Variants in UBE2Q2 observed in about 807,000 individuals in gnomAD.
UBE2Q2 encodes ubiquitin conjugating enzyme E2 Q2.
In UBE2Q2, 54 loss-of-function variants were observed where a neutral mutation model predicts 59.9. The observed-to-expected ratio is 0.90, with a 90% confidence interval of 0.72 to 1.13. The LOEUF (loss-of-function observed/expected upper bound fraction) is 1.13. UBE2Q2 is among the 50% of genes most tolerant of loss of function. UBE2Q2 has a pLI of 0.00. For missense variants in UBE2Q2, 433 were observed against 441.9 expected (o/e 0.98, Z 0.18); for synonymous variants, 165 against 155.2 (o/e 1.06, Z -0.47).
intron 9 of UBE2Q2, among the ~76,000 whole-genome samples, chr15:75,885,239 G>C (rs1463254922): frequency 9.2e-5 from 14 of 151,928 alleles, no homozygotes; most frequent in Non-Finnish European, 2.1e-4. Context: ...TCCTGCCTTA[G>C]CCTCCCGAGT....
intron 11 of UBE2Q2, among the ~76,000 whole-genome samples, chr15:75,892,835 A>G (rs919379155): frequency 2.0e-5 from 3 of 152,154 alleles, no homozygotes; most frequent in Non-Finnish European, 4.4e-5. Flanking sequence ...ATGTTTGCGC[A>G]CTCCAGCCTT....
rs1010694053 is a variant in UBE2Q2 at position 75,844,367 on chromosome 15, C to G, written c.180+521C>G. 3.9e-6 allele frequency: 6 copies of G among 1,551,002 alleles called. No homozygotes were observed. In the Admixed American group the frequency reaches 9.8e-5, roughly 25 times the overall value. On this transcript the variant is annotated intron_variant, in intron 1 of 12. Transcript: ENST00000267938. ...GAGAAACTGACAATGAGAATGGACT[C>G]GTTGACGGAGGAAAAGTTGGAATGC...
At chr15:75,889,115 T>C (rs1898953103) in intron 9 of UBE2Q2, among the ~76,000 whole-genome samples, 1 of 152,214 alleles carries the variant, frequency 6.6e-6, no homozygotes, top group South Asian at 2.1e-4. Flanking sequence ...TACAATACTC[T>C]TTTAGCCCAG....
At position 75,899,619 on chromosome 15, in the gene UBE2Q2, A is replaced by G. The variant is rs1899647097; in HGVS notation, c.*161A>G. Reference sequence around the variant, plus strand: ...TCATCTGACATCCAGTATAAGTTACAGCCTTTGCATTTTGCTCATTTTAGA... The same window carrying G: ...TCATCTGACATCCAGTATAAGTTACGGCCTTTGCATTTTGCTCATTTTAGA... On this transcript the variant is annotated 3_prime_UTR_variant, in exon 13 of 13. Transcript: ENST00000267938. 1 of 554,026 alleles carries G rather than the reference A, an allele frequency of 1.8e-6. No individual in the cohort carries two copies. 34.3% of individuals were successfully genotyped at this position (554,026 alleles called of 1,614,324 possible).
Position 75,873,528 on chromosome 15 carries a change from TAG to T in UBE2Q2, c.552_553del (p.Lys185AsnfsTer2). ...ATTGAAAAAGAAAATTTGGCAATAT[TAG>T]AGAAAATTAGGAAGACTCAAAGGCA... On this transcript the variant is annotated frameshift_variant, in exon 5 of 13. Transcript: ENST00000267938. LOFTEE classifies it high-confidence loss of function. 3.1e-6 allele frequency: 5 copies of T among 1,613,810 alleles called. No homozygotes were observed. Among genetic ancestry groups the T allele is most frequent in the Non-Finnish European group, 4.2e-6 (5 of 1,179,888 alleles).
intron 3 of UBE2Q2, among the ~76,000 whole-genome samples, chr15:75,863,095 T>C (rs1897277998): frequency 6.6e-6 from 1 of 152,208 alleles, no homozygotes; most frequent in Non-Finnish European, 1.5e-5. Context: ...AAATGTGTTC[T>C]GTATATAGGC....
intron 8 of UBE2Q2, among the ~76,000 whole-genome samples, chr15:75,882,870 G>A (rs1000147068): frequency 6.6e-6 from 1 of 152,106 alleles, no homozygotes; most frequent in Non-Finnish European, 1.5e-5. Context: ...CTCGGTGGAC[G>A]CTGAGCTCCA....
intron 10 of UBE2Q2, among the ~76,000 whole-genome samples, 154 bp downstream of exon 10, chr15:75,890,637 C>G (rs561898650): frequency 4.3e-4 from 65 of 152,082 alleles, no homozygotes; most frequent in Non-Finnish European, 8.2e-4. Flanking sequence ...AAAAGGTAAA[C>G]CAATAAAATG....
rs1387325521 is a variant in UBE2Q2, at chr15:75,857,877, T to TA, written c.283-1993dup. ...TAATTGGCCCCTTTAGTATATAATG[T>TA]AAAAAAAATCTATATGCTTGTTTAT... On this transcript the variant is annotated intron_variant, in intron 2 of 12. Transcript: ENST00000267938. 3.3e-5 allele frequency among the ~76,000 whole-genome samples: 5 copies of TA among 152,020 alleles called. No individual in the cohort carries two copies. The East Asian group carries it at 5.8e-4, about 18-fold the overall frequency.
chr15:75,867,555 C>G (rs890566035), intron 3 of UBE2Q2, among the ~76,000 whole-genome samples: 2 of 152,120 alleles, frequency 1.3e-5, no homozygotes, highest in Non-Finnish European at 2.9e-5. Context: ...GAAAAGAGGA[C>G]CAGGCCACAT....
chr15:75,844,201 G>A (rs1008491693), intron 1 of UBE2Q2: 9 of 1,459,848 alleles, frequency 6.2e-6, no homozygotes, highest in South Asian at 2.8e-5. Context: ...GGGCGGGGCG[G>A]GGCGGGGCGG....
chr15:75,851,478 A>G (rs1896632610), intron 1 of UBE2Q2, among the ~76,000 whole-genome samples: 2 of 152,078 alleles, frequency 1.3e-5, no homozygotes, highest in Non-Finnish European at 2.9e-5. Context: ...CAATATTGCC[A>G]TCAATGTTAT....
At chr15:75,859,826 T>A in intron 2 of UBE2Q2, 52 bp from the exon 3 acceptor site, 1 of 1,315,584 alleles carries the variant, frequency 7.6e-7, no homozygotes, top group East Asian at 2.5e-5. Context: ...ATTATTGATG[T>A]CTTCTAAGGG....
At chr15:75,894,358 A>G (rs1899275556) in intron 11 of UBE2Q2, among the ~76,000 whole-genome samples, 1 of 152,184 alleles carries the variant, frequency 6.6e-6, no homozygotes, top group Non-Finnish European at 1.5e-5. Flanking sequence ...GCCTGAGCTC[A>G]GGAGTTCGAG....
At chr15:75,857,121 C>T (rs1896959910) in intron 2 of UBE2Q2, among the ~76,000 whole-genome samples, 1 of 151,946 alleles carries the variant, frequency 6.6e-6, no homozygotes, top group Non-Finnish European at 1.5e-5. Flanking sequence ...CACACATGCA[C>T]ACGTACGTAC....
intron 11 of UBE2Q2, among the ~76,000 whole-genome samples, chr15:75,895,665 A>G (rs1006351837): frequency 6.6e-6 from 1 of 152,154 alleles, no homozygotes; most frequent in African/African-American, 2.4e-5. Context: ...AGTCTCACTC[A>G]ATAGAAATAC....
chr15:75,877,479 GA>G (rs35542322), intron 6 of UBE2Q2, among the ~76,000 whole-genome samples: 35,551 of 141,002 alleles, frequency 0.25, 4,795 homozygotes, highest in Non-Finnish European at 0.32. Context: ...TGTTTATATA[GA>G]AAAAAAAAAA....
intron 9 of UBE2Q2, among the ~76,000 whole-genome samples, chr15:75,884,275 T>C (rs1898627555): frequency 1.3e-5 from 2 of 152,230 alleles, no homozygotes; most frequent in Admixed American, 6.5e-5. Flanking sequence ...AAAATCTAAA[T>C]ATATCCAGCC....
intron 4 of UBE2Q2, among the ~76,000 whole-genome samples, chr15:75,872,969 C>G (rs1897878514): frequency 6.6e-6 from 1 of 152,104 alleles, no homozygotes; most frequent in Non-Finnish European, 1.5e-5. Context: ...TTTGCACATG[C>G]AGATTTTGTG....
Sources: gnomAD v4.1 joint callset for allele counts (sites outside exome capture counted in the v4.1 genomes callset) on GRCh38, gnomAD v4.1.1 for gene constraint, MANE v1.5 for transcripts, NCBI Gene and HGNC (gene_info 2026-07-23, HGNC 2026-07-21) for gene names.